GANC: variants seen among roughly 807,000 people sequenced by gnomAD.
The protein encoded by GANC is glucosidase alpha, neutral C, also known as neutral alpha-glucosidase C.
In GANC, 117 loss-of-function variants were observed where a neutral mutation model predicts 124.2. That is an observed-to-expected ratio of 0.94 (90% CI 0.81 to 1.10). GANC has a LOEUF of 1.10. Ranked by LOEUF, GANC falls within the 50% of genes least tolerant of loss-of-function variation. The pLI is 0.00. For synonymous variants in GANC, 377 were observed against 376.8 expected (o/e 1.00, Z -0.01); for missense variants, 1,140 against 1,095.0 (o/e 1.04, Z -0.58).
At chr15:42,304,686 G>C (rs890878866) in intron 6 of GANC, among the ~76,000 whole-genome samples, 1 of 152,168 alleles carries the variant, frequency 6.6e-6, no homozygotes, top group Non-Finnish European at 1.5e-5. Flanking sequence ...AACAAAGCTG[G>C]AGTTATCACT....
chr15:42,334,441 C>T (rs1028992380), intron 15 of GANC, among the ~76,000 whole-genome samples: 2 of 152,096 alleles, frequency 1.3e-5, no homozygotes, highest in Non-Finnish European at 2.9e-5. Context: ...GGATTACAGG[C>T]GTGAGCCACT....
chr15:42,286,177 G>A (rs1383786845), intron 3 of GANC, among the ~76,000 whole-genome samples: 3 of 152,168 alleles, frequency 2.0e-5, no homozygotes, highest in African/African-American at 7.2e-5. Flanking sequence ...ATTCCTGAAG[G>A]CCCTGCTTAA....
At chr15:42,278,217 C>A in intron 2 of GANC, 1 of 247,092 alleles carries the variant, frequency 4.0e-6, no homozygotes, top group South Asian at 5.4e-5. Flanking sequence ...GAAAATTGCC[C>A]CACCATCTCA....
At chr15:42,335,446 G>C (rs2052276592) in intron 15 of GANC, among the ~76,000 whole-genome samples, 1 of 152,078 alleles carries the variant, frequency 6.6e-6, no homozygotes, top group Admixed American at 6.5e-5. Flanking sequence ...CAGCAAACTA[G>C]GTACTGAAGG....
rs1368312863 is a variant in GANC at position 42,273,315 on chromosome 15, A to C, written c.-1167A>C. ...CAGCAGCTACGGTTGCCGGTCCCGCACTGAAAAACGACAGTGGTGACGGGT... is the reference window on the plus strand; with the variant it reads ...CAGCAGCTACGGTTGCCGGTCCCGCCCTGAAAAACGACAGTGGTGACGGGT... On this transcript the variant is annotated 5_prime_UTR_variant, in exon 1 of 24. Coordinates refer to ENST00000318010, the MANE Select transcript of GANC (RefSeq NM_198141.3). The C allele has an allele frequency of 6.2e-7, 1 of 1,614,000 alleles. No individual in the cohort carries two copies. Among genetic ancestry groups the C allele is most frequent in the Non-Finnish European group, 8.5e-7 (1 of 1,180,038 alleles).
Position 42,339,664 on chromosome 15 carries a change from T to C in GANC, c.1844-5T>C. 1 of 1,609,250 alleles carries C rather than the reference T, an allele frequency of 6.2e-7. No homozygotes were observed. ...TTGCCTCACTTGGCCTTCTTTTGCT[T>C]CCAGCTGACATAGGCGGGTTCATTG... On this transcript the variant is annotated splice_polypyrimidine_tract_variant and splice_region_variant and intron_variant, in intron 16 of 23. Transcript: ENST00000318010.
rs368093575 is a variant in GANC at position 42,278,471 on chromosome 15, C to T, written c.93-11C>T. On this transcript the variant is annotated splice_polypyrimidine_tract_variant and intron_variant, in intron 2 of 23. Transcript: ENST00000318010. ...ATAATTATCAAGCATCTGCATACTCCGTATCTATAGGCGTCAGAAACAGTG... is the reference window on the plus strand; with the variant it reads ...ATAATTATCAAGCATCTGCATACTCTGTATCTATAGGCGTCAGAAACAGTG... The T allele has an allele frequency of 3.0e-5, 47 of 1,557,918 alleles. No homozygotes were observed. Among genetic ancestry groups the T allele is most frequent in the Middle Eastern group, 1.7e-4 (1 of 5,922 alleles).
rs1326082492 is a variant in GANC, at chr15:42,308,233, A to G, written c.637A>G (p.Ile213Val). 8 of 1,604,136 alleles carry G rather than the reference A, an allele frequency of 5.0e-6. No homozygotes were observed. The highest frequency in any genetic ancestry group is 1.3e-5 in the African/African-American group (1 of 74,802). ...CCTGGTCTCTACAGGCCCTTCTTCT[A>G]TTGGTTTGGATTTCTCCTTGCATGG... ...VDIKANGPSS[I>V]GLDFSLHGFE... is the part of the protein sequence containing the mutation. The change falls in exon 8 of 24, where the codon ATT (isoleucine) becomes GTT (valine). Residue 213 changes from isoleucine to valine, a missense_variant. Transcript: ENST00000318010.
chr15:42,338,478 T>G lies in GANC; in HGVS notation c.1831T>G (p.Ser611Ala), dbSNP rs761341129. The G allele has an allele frequency of 3.7e-6, 6 of 1,612,476 alleles. No homozygotes were observed. The East Asian group carries it at 1.3e-4, about 36-fold the overall frequency. ...ACTCACTCTCAGCATTACTGGGATC[T>G]CTTTTTGCGGAGGTAAGATGAGTCC... ...MLLTLSITGISFCGADIGGFI... is the reference protein window; with the variant it reads ...MLLTLSITGIAFCGADIGGFI... The change falls in exon 16 of 24, where the codon TCT (serine) becomes GCT (alanine). Residue 611 changes from serine to alanine, a missense_variant. Coordinates refer to ENST00000318010, the MANE Select transcript of GANC (RefSeq NM_198141.3).
intron 10 of GANC, among the ~76,000 whole-genome samples, chr15:42,316,785 G>A (rs12907489): frequency 0.91 from 138,430 of 152,122 alleles, 64,335 homozygotes; most frequent in Non-Finnish European, 1. Context: ...GCTAATTAAC[G>A]GGGCCTTCCC....
At chr15:42,300,361 T>C (rs2051933705) in intron 6 of GANC, among the ~76,000 whole-genome samples, 1 of 152,102 alleles carries the variant, frequency 6.6e-6, no homozygotes, top group South Asian at 2.1e-4. Flanking sequence ...AAGCTCAACA[T>C]CACTGATCAT....
rs1197538942 is a variant in GANC at position 42,349,483 on chromosome 15, T to C, written c.2519T>C (p.Val840Ala). 6.3e-7 allele frequency: 1 copy of C among 1,599,246 alleles called. No homozygotes were observed. The highest frequency in any genetic ancestry group is 8.6e-7 in the Non-Finnish European group (1 of 1,166,638). ...AGGAAGTTTTCATTCTGTTCCAGTGTTCTGATCAATAGGTAATGGCAGCTA... is the reference window on the plus strand; with the variant it reads ...AGGAAGTTTTCATTCTGTTCCAGTGCTCTGATCAATAGGTAATGGCAGCTA... The part of the protein sequence containing the change: ...LHRKFSFCSS[V>A]LINSFADQRG... Residue 840 changes from valine to alanine, a missense_variant, in exon 22 of 24, where the codon GTT (valine) becomes GCT (alanine). Val to Ala is a moderately conservative substitution (Grantham distance 64). Coordinates refer to ENST00000318010, the MANE Select transcript of GANC (RefSeq NM_198141.3).
Position 42,345,746 on chromosome 15 carries a change from G to C in GANC, c.2230-12G>C, listed in dbSNP as rs115084894. The C allele has an allele frequency of 1.3e-6, 2 of 1,586,892 alleles. No homozygotes were observed. The highest frequency in any genetic ancestry group is 2.2e-5 in the East Asian group (1 of 44,672). ...TATGTACTCTTTTTTACTGGACTCTGTTACTTTCTAGGTCTGGTATGACTA... is the reference window on the plus strand; with the variant it reads ...TATGTACTCTTTTTTACTGGACTCTCTTACTTTCTAGGTCTGGTATGACTA... On this transcript the variant is annotated splice_polypyrimidine_tract_variant and intron_variant, in intron 19 of 23. Coordinates refer to ENST00000318010, the MANE Select transcript of GANC (RefSeq NM_198141.3).
At position 42,352,418 on chromosome 15, in the gene GANC, C is replaced by A; in HGVS notation, c.*279C>A. 1.7e-6 allele frequency: 2 copies of A among 1,149,318 alleles called. No homozygotes were observed. Among genetic ancestry groups the A allele is most frequent in the Non-Finnish European group, 2.2e-6 (2 of 927,580 alleles). The allele number at this position is 1,149,318 out of a possible 1,614,324, so 71.2% of individuals were successfully genotyped here. The stretch of plus-strand genomic sequence containing the variant: ...TATAGCGTTCAGGAGTCTTCTATTG[C>A]TTCCATTCCTTCAGCAGGGCTGCGT... On this transcript the variant is annotated 3_prime_UTR_variant, in exon 24 of 24. Transcript: ENST00000318010.
chr15:42,352,642 C>G lies in GANC; in HGVS notation c.*503C>G, dbSNP rs1009372665. On this transcript the variant is annotated 3_prime_UTR_variant, in exon 24 of 24. Coordinates refer to ENST00000318010, the MANE Select transcript of GANC (RefSeq NM_198141.3). ...GCAGAGCAGCCCTCTTCTGTGTGCA[C>G]TGCATACGCTGCAGCCGTGGGAGTT... is the stretch of plus-strand genomic sequence containing the variant. The G allele has an allele frequency of 1.0e-6, 1 of 987,386 alleles. No individual in the cohort carries two copies. The highest frequency in any genetic ancestry group is 1.2e-6 in the Non-Finnish European group (1 of 830,832). The allele number at this position is 987,386 out of a possible 1,614,324, so 61.2% of individuals were successfully genotyped here. A position where few individuals can be genotyped will look rare whatever the true frequency, so the allele number is the denominator to read the frequency against.
chr15:42,316,919 C>T (rs1189340690), intron 10 of GANC, among the ~76,000 whole-genome samples: 1 of 152,164 alleles, frequency 6.6e-6, no homozygotes, highest in East Asian at 1.9e-4. Context: ...TGACCCTATA[C>T]CCGCTGGTTA....
intron 15 of GANC, among the ~76,000 whole-genome samples, chr15:42,331,883 TA>T (rs748496732): frequency 2.4e-4 from 36 of 151,964 alleles, no homozygotes; most frequent in African/African-American, 8.5e-4. Context: ...ATATGATAAA[TA>T]AAAAAAGGAA....
At chr15:42,347,660 A>T (rs9920851) in intron 20 of GANC, among the ~76,000 whole-genome samples, 5,770 of 152,316 alleles carry the variant, frequency 0.038, 305 homozygotes, top group African/African-American at 0.12. Flanking sequence ...ACCATCAGTT[A>T]TACATACACA....
rs1343156384 is a variant in GANC at position 42,294,976 on chromosome 15, T to TG, written c.512+2059_512+2060insG. ...CAGATGGTTTGTGCATTTGTAGTTT[T>TG]TTTTTTTTTTTTTGAGATGGAGTCT... On this transcript the variant is annotated intron_variant, in intron 5 of 23. Transcript: ENST00000318010. Among the ~76,000 whole-genome samples the TG allele has an allele frequency of 3.4e-5, 5 of 148,396 alleles. No individual in the cohort carries two copies. In the East Asian group the frequency reaches 9.8e-4, roughly 29 times the overall value.
Sources: gnomAD v4.1 joint callset for allele counts (sites outside exome capture counted in the v4.1 genomes callset) on GRCh38, gnomAD v4.1.1 for gene constraint, MANE v1.5 for transcripts, NCBI Gene and HGNC (gene_info 2026-07-23, HGNC 2026-07-21) for gene names.